The following TTLL1 variants were observed in gnomAD, a reference collection of about 807,000 sequenced individuals.
TTLL1 encodes polyglutamylase complex subunit TTLL1.
A neutral mutation model predicts 47.8 loss-of-function variants in TTLL1; 33 were observed. The ratio of observed to expected loss-of-function variants is 0.69; its 90% CI spans 0.52 to 0.92. The LOEUF (loss-of-function observed/expected upper bound fraction) is 0.92, where lower values mean the gene tolerates loss of function less well. TTLL1 is among the 40% of genes least tolerant of loss of function. The pLI is 0.00. For missense variants in TTLL1, 488 were observed against 547.5 expected, an observed-to-expected ratio of 0.89 and a Z score of 1.08; for synonymous variants, 225 against 214.1, an observed-to-expected ratio of 1.05 and a Z score of -0.45.
intron 10 of TTLL1, among the ~76,000 whole-genome samples, chr22:43,045,638 C>G (rs560347345): frequency 2.9e-4 from 44 of 152,020 alleles, no homozygotes; most frequent in Non-Finnish European, 5.4e-4. Context: ...GGTGGACAAA[C>G]TGAGGCTCAA....
At chr22:43,067,790 G>A (rs1270687487) in intron 5 of TTLL1, among the ~76,000 whole-genome samples, 1 of 151,546 alleles carries the variant, frequency 6.6e-6, no homozygotes, top group African/African-American at 2.4e-5. Flanking sequence ...TGGCTAACAG[G>A]GCAAAACCCC....
At chr22:43,075,687 G>A (rs1249877793) in intron 2 of TTLL1, 97 bp from the exon 3 acceptor site, 7 of 1,042,226 alleles carry the variant, frequency 6.7e-6, no homozygotes, top group Admixed American at 1.8e-5. Flanking sequence ...TCCCAAACTC[G>A]ATCTTACCCC....
chr22:43,073,612 T>TC (rs1457426293), intron 3 of TTLL1, among the ~76,000 whole-genome samples: 2 of 151,958 alleles, frequency 1.3e-5, no homozygotes, highest in Non-Finnish European at 2.9e-5. Context: ...CGCCTTGGCC[T>TC]CCCAAAGTGC....
At position 43,078,702 on chromosome 22, in the gene TTLL1, A is replaced by C. The variant is rs552488494; in HGVS notation, c.-5+1200T>G. On this transcript the variant is annotated intron_variant, in intron 2 of 10. Transcript: ENST00000266254. ...GTCACAGGGTCAATGAGCAATAAAC[A>C]GAACCGCTCTCTGCAAGCTACAAGG... 1.8e-4 allele frequency among the ~76,000 whole-genome samples: 27 copies of C among 152,174 alleles called. No individual in the cohort carries two copies. The South Asian group carries it at 4.6e-3, about 26-fold the overall frequency.
chr22:43,046,482 G>T lies in TTLL1; in HGVS notation c.1070C>A (p.Pro357Gln). The change falls in exon 10 of 11, where the codon CCG becomes CAG. Residue 357 changes from proline to glutamine, a missense_variant. Physicochemically the swap from Pro to Gln is moderately conservative, Grantham distance 76. Coordinates refer to ENST00000266254, the MANE Select transcript of TTLL1 (RefSeq NM_012263.5). ...TTTGCAGTCTGGGATTTCACCATTC[G>T]GGACGGCGATGTTGAGGGTGTCATT... ...LINDTLNIAV[P>Q]NGEIPDCKWN... 11 of 1,614,082 alleles carry T rather than the reference G, an allele frequency of 6.8e-6. No individual in the cohort carries two copies. Among genetic ancestry groups the T allele is most frequent in the Non-Finnish European group, 9.3e-6 (11 of 1,180,018 alleles).
intron 1 of TTLL1, among the ~76,000 whole-genome samples, chr22:43,088,191 T>C (rs1929362970): frequency 6.6e-6 from 1 of 151,984 alleles, no homozygotes; most frequent in Non-Finnish European, 1.5e-5. Context: ...CAGTGATGAC[T>C]TCATGTTGAG....
intron 4 of TTLL1, among the ~76,000 whole-genome samples, chr22:43,069,186 C>T (rs528976159): frequency 1.4e-5 from 2 of 144,036 alleles, no homozygotes; most frequent in African/African-American, 2.6e-5. Context: ...ACCAGCCTGG[C>T]CAATATGGTG....
intron 1 of TTLL1, among the ~76,000 whole-genome samples, chr22:43,080,403 T>C (rs1045603363): frequency 1.3e-5 from 2 of 152,074 alleles, no homozygotes; most frequent in African/African-American, 4.8e-5. Context: ...CTAGCCAGAA[T>C]ATTCAGTGGC....
intron 7 of TTLL1, among the ~76,000 whole-genome samples, chr22:43,063,117 A>G (rs2413743): frequency 0.22 from 34,051 of 152,150 alleles, 4,485 homozygotes; most frequent in Middle Eastern, 0.36. Flanking sequence ...AGGGTACCTC[A>G]GGGATGGTCT....
At chr22:43,045,152 C>T (rs1184743594) in intron 10 of TTLL1, among the ~76,000 whole-genome samples, 2 of 152,190 alleles carry the variant, frequency 1.3e-5, no homozygotes, top group African/African-American at 2.4e-5. Flanking sequence ...TGAGCCACCA[C>T]GCCCAGCCAG....
At position 43,064,175 on chromosome 22, in the gene TTLL1, C is replaced by A; in HGVS notation, c.638+15G>T. 1 of 1,604,604 alleles carries A rather than the reference C, an allele frequency of 6.2e-7. No individual in the cohort carries two copies. Among genetic ancestry groups the A allele is most frequent in the Non-Finnish European group, 8.5e-7 (1 of 1,177,488 alleles). ...AACACAATCAAGAGGGAACCAAAAC[C>A]TTAGGGACGCTTACATGTAACAGCG... is the stretch of plus-strand genomic sequence containing the variant. On this transcript the variant is annotated intron_variant, in intron 6 of 10. Transcript: ENST00000266254.
At chr22:43,052,456 G>A (rs1926706130) in intron 8 of TTLL1, 1 of 158,658 alleles carries the variant, frequency 6.3e-6, no homozygotes, top group Admixed American at 5.9e-5. Flanking sequence ...AACACCACCT[G>A]AGGCTGGGTG....
intron 7 of TTLL1, among the ~76,000 whole-genome samples, chr22:43,060,980 G>C (rs1466134132): frequency 6.6e-6 from 1 of 152,174 alleles, no homozygotes; most frequent in Non-Finnish European, 1.5e-5. Context: ...AGGATCACCT[G>C]AGGTCAGGAG....
chr22:43,047,449 C>T lies in TTLL1; in HGVS notation c.979-876G>A, dbSNP rs1416443953. Among the ~76,000 whole-genome samples, 4 of 152,146 alleles carry T rather than the reference C, an allele frequency of 2.6e-5. No homozygotes were observed. In the East Asian group the frequency reaches 5.8e-4, roughly 22 times the overall value. On this transcript the variant is annotated intron_variant, in intron 9 of 10. Coordinates refer to ENST00000266254, the MANE Select transcript of TTLL1 (RefSeq NM_012263.5). ...ACATTCGCTTTGTTCTGTGGAGAGT[C>T]CCACAGGCCCTCAGTCACTACTTTT...
At chr22:43,079,873 C>T (rs1928767370) in intron 2 of TTLL1, 29 bp downstream of exon 2, 1 of 152,118 alleles carries the variant, frequency 6.6e-6, no homozygotes, top group South Asian at 2.1e-4. Context: ...GCAAATGGTC[C>T]CTAAGGGGCC....
rs146038149 is a variant in TTLL1, at chr22:43,056,817, C to T, written c.891+2567G>A. ...AAACAAAACAAAAACATTAAAGAGA[C>T]AGGGCCTCATGGTCACCCAGACTGG... On this transcript the variant is annotated intron_variant, in intron 8 of 10. Transcript: ENST00000266254. 2.5e-3 allele frequency among the ~76,000 whole-genome samples: 385 copies of T among 151,836 alleles called. 1 individual carries two copies. Among genetic ancestry groups the T allele is most frequent in the African/African-American group, 8.9e-3 (369 of 41,458 alleles).
rs149364263 is a variant in TTLL1, at chr22:43,056,034, C to T, written c.891+3350G>A. 5.4e-3 allele frequency among the ~76,000 whole-genome samples: 815 copies of T among 152,058 alleles called. 3 individuals are homozygous for T. The highest frequency in any genetic ancestry group is 8.9e-3 in the Non-Finnish European group (607 of 67,964). ...AGCTGGGATTACAGGCGTGAGCCAC[C>T]ATACCTGGCCTCCACAGAGACTGTT... is the stretch of plus-strand genomic sequence containing the variant. On this transcript the variant is annotated intron_variant, in intron 8 of 10. Coordinates refer to ENST00000266254, the MANE Select transcript of TTLL1 (RefSeq NM_012263.5).
chr22:43,089,124 AGGACGC>A (rs1929443815), intron 1 of TTLL1, among the ~76,000 whole-genome samples, 147 bp downstream of exon 1: 1 of 152,190 alleles, frequency 6.6e-6, no homozygotes, highest in Non-Finnish European at 1.5e-5. Context: ...GGCTTCCTGG[AGGACGC>A]GGATCCGGCA....
At chr22:43,046,907 G>C (rs778346689) in intron 9 of TTLL1, among the ~76,000 whole-genome samples, 5 of 152,050 alleles carry the variant, frequency 3.3e-5, no homozygotes, top group African/African-American at 1.2e-4. Flanking sequence ...CTGACCTCAG[G>C]TGATCCTCCC....
Sources: allele counts gnomAD v4.1 joint callset (sites outside exome capture counted in the v4.1 genomes callset), GRCh38; gene constraint gnomAD v4.1.1; transcripts MANE v1.5; gene names NCBI Gene and HGNC (gene_info 2026-07-23, HGNC 2026-07-21).